Variants in DPP6 observed in about 807,000 individuals in gnomAD.
The protein encoded by DPP6 is dipeptidyl peptidase like 6.
A neutral mutation model predicts 122.6 loss-of-function variants in DPP6; 69 were observed. That is an observed-to-expected ratio of 0.56 (90% CI 0.46 to 0.69). The LOEUF is 0.69. DPP6 is among the 30% of genes least tolerant of loss of function. The probability of loss-of-function intolerance (pLI) is 0.00; values close to 1 mark genes in which losing one functional copy is unlikely to be tolerated. For synonymous variants in DPP6, 418 were observed against 433.1 expected, an observed-to-expected ratio of 0.97 and a Z score of 0.43; for missense variants, 928 against 1,116.9, an observed-to-expected ratio of 0.83 and a Z score of 2.41.
At chr7:154,580,079 T>A (rs1831951586) in intron 5 of DPP6, among the ~76,000 whole-genome samples, 1 of 151,962 alleles carries the variant, frequency 6.6e-6, no homozygotes, top group Admixed American at 6.6e-5. Context: ...GGGGATAGGA[T>A]GTAGCGGTGA....
intron 1 of DPP6, among the ~76,000 whole-genome samples, chr7:153,911,334 C>T (rs972612081): frequency 3.9e-5 from 6 of 152,188 alleles, no homozygotes; most frequent in Non-Finnish European, 7.3e-5. Context: ...CTCAGTCACT[C>T]GCTGTCCACA....
chr7:154,338,949 A>G (rs1809673526), intron 1 of DPP6, among the ~76,000 whole-genome samples: 1 of 152,120 alleles, frequency 6.6e-6, no homozygotes, highest in Admixed American at 6.6e-5. Flanking sequence ...TCAATGCTCT[A>G]CCGATGTGCG....
At chr7:154,247,746 T>C (rs1425917513) in intron 1 of DPP6, among the ~76,000 whole-genome samples, 1 of 152,186 alleles carries the variant, frequency 6.6e-6, no homozygotes, top group Non-Finnish European at 1.5e-5. Context: ...TCTACTGCAC[T>C]CTTAGGTATT....
chr7:154,665,108 G>A (rs1838064569), intron 6 of DPP6, among the ~76,000 whole-genome samples: 1 of 152,088 alleles, frequency 6.6e-6, no homozygotes, highest in Non-Finnish European at 1.5e-5. Context: ...CTTTTGAGGA[G>A]GACTGGTCAG....
chr7:154,101,916 A>G lies in DPP6; in HGVS notation c.243+48853A>G, dbSNP rs568592606. ...GCACTCCAGCCTGGGCAACAAGAGC[A>G]AAACTCCATACTCCATCTCAAAAAA... is the stretch of plus-strand genomic sequence containing the variant. On this transcript the variant is annotated intron_variant, in intron 1 of 25. Coordinates refer to ENST00000377770, the MANE Select transcript of DPP6 (RefSeq NM_130797.4). 3.1e-4 allele frequency among the ~76,000 whole-genome samples: 45 copies of G among 147,130 alleles called. 1 individual carries two copies. Among genetic ancestry groups the G allele is most frequent in the South Asian group, 1.4e-3 (6 of 4,392 alleles).
intron 1 of DPP6, among the ~76,000 whole-genome samples, chr7:154,187,977 CAGT>C (rs1227558538): frequency 6.6e-6 from 1 of 152,124 alleles, no homozygotes; most frequent in Admixed American, 6.5e-5. Context: ...AAGTTGAGAA[CAGT>C]AGAACCGTCT....
At chr7:154,404,997 C>G (rs1411714707) in intron 1 of DPP6, among the ~76,000 whole-genome samples, 2 of 152,142 alleles carry the variant, frequency 1.3e-5, no homozygotes, top group Non-Finnish European at 1.5e-5. Flanking sequence ...TGTTTTGTGC[C>G]TATGTGTGCC....
rs1823278352 is a variant in DPP6 at position 154,481,371 on chromosome 7, G to GTGTGTGTT, written c.457+6337_457+6338insGTGTTTGT. Among the ~76,000 whole-genome samples the GTGTGTGTT allele has an allele frequency of 6.6e-6, 1 of 151,786 alleles. No homozygotes were observed. The highest frequency in any genetic ancestry group is 2.4e-5 in the African/African-American group (1 of 41,384). On this transcript the variant is annotated intron_variant, in intron 3 of 25. Transcript: ENST00000377770. This position sits in a 1 kb window ranked among gnomAD's most constrained non-coding sequence, Gnocchi z 4.2. ...GGTGTGTGTGTGTGTGTGTGTGTGT[G>GTGTGTGTT]TGTCTGTGTGTGTGTGCATGTCAGT... is the stretch of plus-strand genomic sequence containing the variant.
the DPP6 span, among the ~76,000 whole-genome samples, chr7:153,835,988 CA>C: frequency 6.6e-6 from 1 of 152,166 alleles, no homozygotes; most frequent in Non-Finnish European, 1.5e-5. Flanking sequence ...GACCCGTCAG[CA>C]GGAAGTAAAG....
Position 154,821,653 on chromosome 7 carries a change from T to TATATATACAAATATATATATACAC in DPP6, c.1666+14548_1666+14549insCAAATATATATATACACATATATA. On this transcript the variant is annotated intron_variant, in intron 16 of 25. Transcript: ENST00000377770. The surrounding 1 kb of genome is among the most constrained non-coding windows in gnomAD (Gnocchi z 4.2). ...GTATATATATATATATATACACATA[T>TATATATACAAATATATATATACAC]ATATATATATACACATATATATATA... Among the ~76,000 whole-genome samples, 1 of 107,080 alleles carries TATATATACAAATATATATATACAC rather than the reference T, an allele frequency of 9.3e-6. No individual in the cohort carries two copies. The highest frequency in any genetic ancestry group is 2.3e-4 in the East Asian group (1 of 4,302). The allele number at this position is 107,080 out of a possible 152,430, so 70.2% of individuals were successfully genotyped here. A position where few individuals can be genotyped will look rare whatever the true frequency, so the allele number is the denominator to read the frequency against.
intron 1 of DPP6, among the ~76,000 whole-genome samples, chr7:154,366,815 A>G (rs953785037): frequency 6.6e-6 from 1 of 152,226 alleles, no homozygotes; most frequent in Non-Finnish European, 1.5e-5. Context: ...TCATCAGGAC[A>G]TTTAGATTTG....
chr7:154,776,052 C>T (rs1401194216), intron 10 of DPP6, among the ~76,000 whole-genome samples: 2 of 152,068 alleles, frequency 1.3e-5, no homozygotes, highest in African/African-American at 2.4e-5. Context: ...CCTGCCCCAC[C>T]CACTGCTGAC....
chr7:154,182,509 C>T (rs1056346772), intron 1 of DPP6, among the ~76,000 whole-genome samples: 1 of 152,102 alleles, frequency 6.6e-6, no homozygotes, highest in Non-Finnish European at 1.5e-5. Context: ...GACAGGTCAC[C>T]CAGTTCCTTC....
chr7:154,543,975 C>G, intron 4 of DPP6, among the ~76,000 whole-genome samples: 1 of 109,060 alleles, frequency 9.2e-6, no homozygotes, highest in South Asian at 3.0e-4. Context: ...GCCTGGGCAA[C>G]AGAGTGAGAC....
intron 1 of DPP6, chr7:154,305,603 C>T (rs1336263442): frequency 1.0e-5 from 16 of 1,557,938 alleles, no homozygotes; most frequent in Admixed American, 3.8e-5. Context: ...CGTGTGCATG[C>T]GTGCATATGT....
chr7:154,704,832 T>G (rs1416167971), intron 7 of DPP6, among the ~76,000 whole-genome samples: 1 of 152,258 alleles, frequency 6.6e-6, no homozygotes, highest in African/African-American at 2.4e-5. Flanking sequence ...TATTGTGATA[T>G]TCACTTTATT....
At chr7:154,503,896 G>T (rs946451695) in intron 3 of DPP6, among the ~76,000 whole-genome samples, 14 of 152,236 alleles carry the variant, frequency 9.2e-5, no homozygotes, top group African/African-American at 3.4e-4. Context: ...AAATCACCAT[G>T]GCACATGTTT....
chr7:154,789,221 G>A (rs780638485), intron 10 of DPP6, among the ~76,000 whole-genome samples: 5 of 152,182 alleles, frequency 3.3e-5, no homozygotes, highest in African/African-American at 7.2e-5. Flanking sequence ...GGCATGGATC[G>A]TCTGGGCTGA....
intron 1 of DPP6, among the ~76,000 whole-genome samples, chr7:153,982,674 A>G (rs1322359458): frequency 2.0e-5 from 3 of 151,906 alleles, no homozygotes; most frequent in Non-Finnish European, 2.9e-5. Context: ...CCTCCTCTTC[A>G]TGGATTTCTC....
Sources: allele counts gnomAD v4.1 joint callset (sites outside exome capture counted in the v4.1 genomes callset), GRCh38; gene constraint gnomAD v4.1.1; non-coding constraint Gnocchi (gnomAD v3.1); transcripts MANE v1.5; gene names NCBI Gene and HGNC (gene_info 2026-07-23, HGNC 2026-07-21).